OLFM3: variants seen among roughly 807,000 people sequenced by gnomAD.
OLFM3 encodes olfactomedin 3, also known as noelin-3.
OLFM3 carries 20 observed loss-of-function variants against 48.6 expected under a neutral mutation model. The observed-to-expected ratio is 0.41, with a 90% confidence interval of 0.29 to 0.60. OLFM3 has a LOEUF of 0.60. Ranked by LOEUF, OLFM3 falls within the 20% of genes least tolerant of loss-of-function variation. The probability of loss-of-function intolerance (pLI) is 0.28; values close to 1 mark genes in which losing one functional copy is unlikely to be tolerated. For synonymous variants in OLFM3, 222 were observed against 198.1 expected (o/e 1.12, Z -1.01); for missense variants, 437 against 544.3 (o/e 0.80, Z 1.96).
chr1:101,804,077 T>C lies in OLFM3; in HGVS notation c.*161A>G, dbSNP rs969671328. 6 of 546,510 alleles carry C rather than the reference T, an allele frequency of 1.1e-5. No homozygotes were observed. Among genetic ancestry groups the C allele is most frequent in the Middle Eastern group, 4.7e-4 (1 of 2,116 alleles). 33.9% of individuals were successfully genotyped at this position (546,510 alleles called of 1,614,324 possible). A position where few individuals can be genotyped will look rare whatever the true frequency, so the allele number is the denominator to read the frequency against. Reference sequence around the variant, plus strand: ...AAGATGTGTTTCCAACATGGTAAGTTAGACAAGCTCAGCTATGTTTTTGAA... The same window carrying C: ...AAGATGTGTTTCCAACATGGTAAGTCAGACAAGCTCAGCTATGTTTTTGAA... On this transcript the variant is annotated 3_prime_UTR_variant, in exon 6 of 6. Coordinates refer to ENST00000370103, the MANE Select transcript of OLFM3 (RefSeq NM_058170.4). The surrounding 1 kb of genome is among the most constrained non-coding windows in gnomAD (Gnocchi z 4.5).
intron 1 of OLFM3, among the ~76,000 whole-genome samples, chr1:101,980,618 C>A (rs1382721710): frequency 6.6e-6 from 1 of 152,166 alleles, no homozygotes; most frequent in Non-Finnish European, 1.5e-5. Flanking sequence ...GTCAATTCAA[C>A]CTATTTCCTT....
intron 1 of OLFM3, among the ~76,000 whole-genome samples, chr1:101,885,655 A>G (rs1008032772): frequency 3.3e-5 from 5 of 152,086 alleles, no homozygotes; most frequent in East Asian, 3.9e-4. Flanking sequence ...CATCTAATGG[A>G]TAGTAAATAA....
rs981906963 is a variant in OLFM3 at position 101,846,869 on chromosome 1, C to T, written c.70-9844G>A. 2.5e-6 allele frequency: 4 copies of T among 1,612,524 alleles called. No homozygotes were observed. The Admixed American group carries it at 6.7e-5, about 27-fold the overall frequency. On this transcript the variant is annotated intron_variant, in intron 1 of 5. Coordinates refer to ENST00000370103, the MANE Select transcript of OLFM3 (RefSeq NM_058170.4). ...CTAAGGTATCCGGAGTCGACAGCCT[C>T]GTGGTGTTCAGTCCCACCAAGGATG...
At chr1:101,854,000 C>T (rs1187559195) in intron 1 of OLFM3, among the ~76,000 whole-genome samples, 1 of 152,006 alleles carries the variant, frequency 6.6e-6, no homozygotes, top group Non-Finnish European at 1.5e-5. Context: ...CTTCTTCTTG[C>T]CTTTGGCTAG....
intron 1 of OLFM3, among the ~76,000 whole-genome samples, chr1:101,865,396 A>G (rs1656820937): frequency 6.6e-6 from 1 of 152,202 alleles, no homozygotes; most frequent in Admixed American, 6.5e-5. Flanking sequence ...TGCAAAAGCA[A>G]TCTAGCTATT....
rs768851986 is a variant in OLFM3, at chr1:101,804,352, T to A, written c.1263A>T (p.Ile421=). The A allele has an allele frequency of 6.2e-7, 1 of 1,612,384 alleles. No homozygotes were observed. The highest frequency in any genetic ancestry group is 8.5e-7 in the Non-Finnish European group (1 of 1,178,876). ...CTCTTGCATTGTAGTCAAGCATGGATATGTGAAAGTATTGGTTATGGAAGG... is the reference window on the plus strand; with the variant it reads ...CTCTTGCATTGTAGTCAAGCATGGAAATGTGAAAGTATTGGTTATGGAAGG... The part of the protein sequence containing the change: ...DIPFHNQYFH[I]SMLDYNARDR... The change falls in exon 6 of 6, where the codon ATA becomes ATT. Residue 421 remains isoleucine, a synonymous_variant. Coordinates refer to ENST00000370103, the MANE Select transcript of OLFM3 (RefSeq NM_058170.4). The surrounding 1 kb of genome is among the most constrained non-coding windows in gnomAD (Gnocchi z 4.5).
chr1:101,820,729 C>T (rs1247469383), intron 4 of OLFM3, among the ~76,000 whole-genome samples: 1 of 151,998 alleles, frequency 6.6e-6, no homozygotes, highest in Non-Finnish European at 1.5e-5. Flanking sequence ...ATTTTGCAGG[C>T]AATAAGACTA....
intron 1 of OLFM3, among the ~76,000 whole-genome samples, chr1:101,841,769 C>T (rs560940357): frequency 6.6e-6 from 1 of 152,080 alleles, no homozygotes; most frequent in Non-Finnish European, 1.5e-5. Context: ...TTTGTATTAT[C>T]CTGATTTTCT....
chr1:101,847,105 A>G, intron 1 of OLFM3: 1 of 1,348,028 alleles, frequency 7.4e-7, no homozygotes, highest in Non-Finnish European at 9.6e-7. Flanking sequence ...CTAATCACCC[A>G]GGAAAGCTTC....
intron 1 of OLFM3, among the ~76,000 whole-genome samples, chr1:101,955,220 C>G (rs1330871212): frequency 1.3e-5 from 2 of 151,770 alleles, no homozygotes; most frequent in African/African-American, 4.8e-5. Flanking sequence ...TTAGGTACCC[C>G]CTAGGTTTGC....
intron 1 of OLFM3, among the ~76,000 whole-genome samples, chr1:101,956,704 T>G (rs1185787654): frequency 6.6e-6 from 1 of 151,892 alleles, no homozygotes; most frequent in East Asian, 1.9e-4. Flanking sequence ...CTTGATATTT[T>G]GAATAGCACT....
intron 3 of OLFM3, among the ~76,000 whole-genome samples, chr1:101,828,734 C>G (rs1304462890): frequency 1.3e-5 from 2 of 152,178 alleles, no homozygotes; most frequent in African/African-American, 4.8e-5. Context: ...ATTGCATTGT[C>G]CATCTACGCC....
chr1:101,828,046 G>GTCTCTCTCTCTC (rs1557691398), intron 3 of OLFM3, among the ~76,000 whole-genome samples: 41 of 130,058 alleles, frequency 3.2e-4, no homozygotes, highest in African/African-American at 1.2e-3. Context: ...CTGTCTGTCT[G>GTCTCTCTCTCTC]TCTGTCTCTC....
intron 1 of OLFM3, among the ~76,000 whole-genome samples, chr1:101,916,911 G>T (rs909599080): frequency 1.3e-5 from 2 of 152,038 alleles, no homozygotes; most frequent in African/African-American, 2.4e-5. Context: ...TTCTGAACAG[G>T]ATAAAATTAG....
At chr1:101,957,262 T>C (rs1162086714) in intron 1 of OLFM3, among the ~76,000 whole-genome samples, 2 of 151,996 alleles carry the variant, frequency 1.3e-5, no homozygotes, top group Non-Finnish European at 2.9e-5. Context: ...TTAATCCCAA[T>C]GTGTGGGGAT....
chr1:101,828,257 C>T (rs1189785302), intron 3 of OLFM3, among the ~76,000 whole-genome samples: 3 of 152,124 alleles, frequency 2.0e-5, no homozygotes, highest in Admixed American at 6.5e-5. Context: ...TCTTTGTGCT[C>T]CAGTTTCCTT....
intron 1 of OLFM3, among the ~76,000 whole-genome samples, chr1:101,991,985 A>G (rs1023806148): frequency 2.0e-5 from 3 of 152,152 alleles, no homozygotes; most frequent in Non-Finnish European, 2.9e-5. Context: ...TAAATGGTCA[A>G]ATATTATTAA....
At chr1:101,823,035 A>G (rs1228425257) in intron 4 of OLFM3, among the ~76,000 whole-genome samples, 1 of 152,028 alleles carries the variant, frequency 6.6e-6, no homozygotes, top group African/African-American at 2.4e-5. Flanking sequence ...GAAATAGGTA[A>G]TATGGTTGAA....
chr1:101,905,390 T>C (rs764269527), intron 1 of OLFM3, among the ~76,000 whole-genome samples: 2 of 152,168 alleles, frequency 1.3e-5, no homozygotes, highest in Non-Finnish European at 2.9e-5. Context: ...CACTCAATGA[T>C]GGAGTCAGGC....
Sources: gnomAD v4.1 joint callset for allele counts (sites outside exome capture counted in the v4.1 genomes callset) on GRCh38, gnomAD v4.1.1 for gene constraint, Gnocchi (gnomAD v3.1) non-coding constraint, MANE v1.5 for transcripts, NCBI Gene and HGNC (gene_info 2026-07-23, HGNC 2026-07-21) for gene names.